Variants in COL4A2 observed in about 807,000 individuals in gnomAD.
The protein encoded by COL4A2 is collagen alpha-2(IV) chain.
COL4A2 carries 99 observed loss-of-function variants against 200.2 expected under a neutral mutation model. The observed-to-expected ratio is 0.49, with a 90% CI of 0.42 to 0.58. COL4A2 has a LOEUF of 0.58. Ranked by LOEUF, COL4A2 falls within the 20% of genes least tolerant of loss-of-function variation. The pLI, the probability that COL4A2 is intolerant of heterozygous loss-of-function variation, is 0.00. For synonymous variants in COL4A2, 897 were observed against 900.6 expected, an observed-to-expected ratio of 1.00 and a Z score of 0.07; for missense variants, 1,950 against 2,314.1, an observed-to-expected ratio of 0.84 and a Z score of 3.23.
chr13:110,390,126 C>T (rs1332388900), intron 4 of COL4A2, among the ~76,000 whole-genome samples: 1 of 152,214 alleles, frequency 6.6e-6, no homozygotes, highest in Non-Finnish European at 1.5e-5. Context: ...GTGCCAGCTA[C>T]TATGCTAGGT....
intron 4 of COL4A2, among the ~76,000 whole-genome samples, chr13:110,387,527 G>A (rs1338769092): frequency 1.3e-5 from 2 of 152,130 alleles, no homozygotes; most frequent in East Asian, 1.9e-4. Context: ...TTCACCACCC[G>A]TCCCCTGCAG....
chr13:110,488,463 C>T (rs540101664), intron 34 of COL4A2, among the ~76,000 whole-genome samples: 1 of 152,196 alleles, frequency 6.6e-6, no homozygotes, highest in African/African-American at 2.4e-5. Context: ...GAGGGGAAAA[C>T]TAGGGCTTCC....
At chr13:110,355,989 C>T (rs920556324) in intron 3 of COL4A2, among the ~76,000 whole-genome samples, 1 of 152,080 alleles carries the variant, frequency 6.6e-6, no homozygotes, top group Non-Finnish European at 1.5e-5. Flanking sequence ...CGCTGAGACT[C>T]GGCTGATCAG....
chr13:110,445,063 C>T (rs1319233634), intron 16 of COL4A2, among the ~76,000 whole-genome samples: 1 of 152,162 alleles, frequency 6.6e-6, no homozygotes, highest in Non-Finnish European at 1.5e-5. Flanking sequence ...GTTTCCCAAG[C>T]TGGTCTCAGA....
chr13:110,439,312 A>T (rs1341032143), intron 15 of COL4A2, among the ~76,000 whole-genome samples: 1 of 152,256 alleles, frequency 6.6e-6, no homozygotes, highest in East Asian at 1.9e-4. Flanking sequence ...AAAAATAAGA[A>T]TAGAGAGACA....
intron 30 of COL4A2, 127 bp from the exon 31 acceptor site, chr13:110,480,093 C>T: frequency 9.4e-7 from 1 of 1,063,402 alleles, no homozygotes; most frequent in South Asian, 1.7e-5. Flanking sequence ...CTCACCCCAA[C>T]ATGGTGGTTT....
At chr13:110,328,897 G>A (rs921994524) in intron 3 of COL4A2, among the ~76,000 whole-genome samples, 4 of 152,138 alleles carry the variant, frequency 2.6e-5, no homozygotes, top group Non-Finnish European at 5.9e-5. Flanking sequence ...CACTTTTTGA[G>A]AAAATTACAT....
At position 110,476,222 on chromosome 13, in the gene COL4A2, G is replaced by A. The variant is rs534391103; in HGVS notation, c.2426-1781G>A. On this transcript the variant is annotated intron_variant, in intron 29 of 47. Transcript: ENST00000360467. ...GCAGGAGTGGGGTGGACCTGCCATC[G>A]CTGCGAATCCTTTACAGCCTGCAGT... Among the ~76,000 whole-genome samples, 98 of 51,546 alleles carry A rather than the reference G, an allele frequency of 1.9e-3. 1 individual carries two copies. The South Asian group carries it at 0.059, about 31-fold the overall frequency. The allele number at this position is 51,546 out of a possible 152,430, so 33.8% of individuals were successfully genotyped here. A position where few individuals can be genotyped will look rare whatever the true frequency, so the allele number is the denominator to read the frequency against.
At chr13:110,495,554 G>C in intron 40 of COL4A2, 87 bp downstream of exon 40, 3 of 1,514,868 alleles carry the variant, frequency 2.0e-6, no homozygotes, top group Non-Finnish European at 2.7e-6. Context: ...TATGGGGTGG[G>C]AGAGGCTGTG....
intron 4 of COL4A2, among the ~76,000 whole-genome samples, chr13:110,385,770 C>T (rs200946808): frequency 0.77 from 454 of 588 alleles, 198 homozygotes; most frequent in Middle Eastern, 1. Flanking sequence ...GGTTGCAGTG[C>T]GTGGATAGGC....
chr13:110,344,993 G>A (rs969471455), intron 3 of COL4A2, among the ~76,000 whole-genome samples: 2 of 152,122 alleles, frequency 1.3e-5, no homozygotes, highest in African/African-American at 2.4e-5. Context: ...CATGGACCTC[G>A]GTGGTTTGCT....
Position 110,482,640 on chromosome 13 carries a change from T to C in COL4A2, c.2883T>C (p.Ala961=). 1.2e-6 allele frequency: 2 copies of C among 1,614,046 alleles called. No homozygotes were observed. Among genetic ancestry groups the C allele is most frequent in the South Asian group, 2.2e-5 (2 of 91,064 alleles). The part of the protein sequence containing the change: ...FFGIPGLKGL[A]GEPGFKGSRG... ...GAATACCCGGTCTGAAGGGTCTGGC[T>C]GGTGAGCCAGGTTTTAAAGGTATGT... The change falls in exon 32 of 48, where the codon GCT becomes GCC. Residue 961 remains alanine, a synonymous_variant. Coordinates refer to ENST00000360467, the MANE Select transcript of COL4A2 (RefSeq NM_001846.4).
chr13:110,465,944 G>C, intron 25 of COL4A2, 59 bp from the exon 26 acceptor site: 1 of 1,588,476 alleles, frequency 6.3e-7, no homozygotes, highest in East Asian at 2.3e-5. Context: ...CCCCAGACGA[G>C]CCAGTAACTC....
At chr13:110,482,972 G>T (rs1394977371) in intron 32 of COL4A2, among the ~76,000 whole-genome samples, 2 of 152,174 alleles carry the variant, frequency 1.3e-5, no homozygotes, top group South Asian at 4.1e-4. Flanking sequence ...AACATGAAGA[G>T]GGGGCGGTGA....
At chr13:110,434,524 G>T (rs1448059094) in intron 12 of COL4A2, 82 bp downstream of exon 12, 1 of 1,443,332 alleles carries the variant, frequency 6.9e-7, no homozygotes, top group Non-Finnish European at 9.6e-7. Flanking sequence ...ACTAAGTTCT[G>T]TGCTGTAAAA....
At chr13:110,424,889 C>A (rs1213293946) in intron 5 of COL4A2, 21 bp downstream of exon 5, 6 of 1,614,120 alleles carry the variant, frequency 3.7e-6, no homozygotes, top group South Asian at 3.3e-5. Context: ...CTGGTGTATT[C>A]CCCTGGCCTC....
At position 110,430,597 on chromosome 13, in the gene COL4A2, C is replaced by T; in HGVS notation, c.638C>T (p.Pro213Leu). ...HVGQMGPVGA[P>L]GRPGPPGPPG... ...GGACAGATGGGTCCAGTTGGAGCTC[C>T]AGGGAGACCAGTAAGTACCTGGACA... The change falls in exon 10 of 48, where the codon CCA becomes CTA. Residue 213 changes from proline to leucine, a missense_variant. This residue lies in a region of COL4A2 where 565 missense variants were observed against 593.5 expected (regional missense o/e 0.95). Transcript: ENST00000360467. The T allele has an allele frequency of 6.2e-7, 1 of 1,614,230 alleles. No individual in the cohort carries two copies. The highest frequency in any genetic ancestry group is 1.1e-5 in the South Asian group (1 of 91,090).
At chr13:110,420,354 C>T (rs1206214776) in intron 4 of COL4A2, among the ~76,000 whole-genome samples, 1 of 152,158 alleles carries the variant, frequency 6.6e-6, no homozygotes. Flanking sequence ...AGCAGTTCAA[C>T]GATACTGTTC....
At chr13:110,380,180 C>T (rs1388875944) in intron 4 of COL4A2, among the ~76,000 whole-genome samples, 2 of 152,222 alleles carry the variant, frequency 1.3e-5, no homozygotes, top group Non-Finnish European at 2.9e-5. Context: ...GAGTGATTTG[C>T]ATTTGATAAC....
Sources: gnomAD v4.1 joint callset for allele counts (sites outside exome capture counted in the v4.1 genomes callset) on GRCh38, gnomAD v4.1.1 for gene constraint, gnomAD v4.1.1 regional missense constraint, MANE v1.5 for transcripts, NCBI Gene and HGNC (gene_info 2026-07-23, HGNC 2026-07-21) for gene names.